The following SETDB2 variants were observed in gnomAD, a reference collection of about 807,000 sequenced individuals.
SETDB2 encodes the protein histone-lysine N-methyltransferase SETDB2.
SETDB2 carries 56 observed loss-of-function variants against 82.5 expected under a neutral mutation model. The observed-to-expected ratio is 0.68, with a 90% CI of 0.55 to 0.85. The LOEUF (loss-of-function observed/expected upper bound fraction) is 0.85. SETDB2 is among the 40% of genes least tolerant of loss of function. SETDB2 has a pLI of 0.00. For synonymous variants in SETDB2, 272 were observed against 284.9 expected (o/e 0.95, Z 0.46); for missense variants, 677 against 816.4 (o/e 0.83, Z 2.08).
At chr13:49,467,441 A>G (rs1165330937) in intron 4 of SETDB2, among the ~76,000 whole-genome samples, 2 of 152,150 alleles carry the variant, frequency 1.3e-5, no homozygotes, top group African/African-American at 4.8e-5. Context: ...AGAGATACCC[A>G]GATACTTCAT....
rs951893482 is a variant in SETDB2 at position 49,493,066 on chromosome 13, GAA to G, written c.*1222_*1223del. On this transcript the variant is annotated 3_prime_UTR_variant, in exon 14 of 14. Transcript: ENST00000611815. ...GATTTGCAAATCTTTTTTTTTTACAGAAAAAAGGCAAAGAGTAAGCACTTTGC... is the reference window on the plus strand; with the variant it reads ...GATTTGCAAATCTTTTTTTTTTACAGAAAAGGCAAAGAGTAAGCACTTTGC... The G allele has an allele frequency of 6.6e-6, 1 of 150,962 alleles. No homozygotes were observed. The highest frequency in any genetic ancestry group is 2.4e-5 in the African/African-American group (1 of 41,030). 9.4% of individuals were successfully genotyped at this position (150,962 alleles called of 1,614,324 possible).
chr13:49,483,946 A>G (rs1307913097), intron 10 of SETDB2, among the ~76,000 whole-genome samples: 2 of 152,060 alleles, frequency 1.3e-5, no homozygotes, highest in African/African-American at 4.8e-5. Context: ...GATGTAAACT[A>G]TTGCCTTCCT....
chr13:49,474,410 A>G (rs963483909), intron 5 of SETDB2, among the ~76,000 whole-genome samples: 6 of 152,230 alleles, frequency 3.9e-5, no homozygotes, highest in Non-Finnish European at 8.8e-5. Flanking sequence ...GACACTATGG[A>G]GAACAATTTG....
rs10162052 is a variant in SETDB2, at chr13:49,485,788, C to G, written c.1576+65C>G. On this transcript the variant is annotated intron_variant, in intron 11 of 13. Coordinates refer to ENST00000611815, the MANE Select transcript of SETDB2 (RefSeq NM_001160308.3). ...CTGTTTCTCTGTCTCTTGCTCAATA[C>G]CTGTAGCTCATTTTCTTAGATTCCA... The G allele has an allele frequency of 3.4e-4, 419 of 1,230,564 alleles. 2 individuals are homozygous for G. In the African/African-American group the frequency reaches 5.6e-3, roughly 16 times the overall value. 76.2% of individuals were successfully genotyped at this position (1,230,564 alleles called of 1,614,324 possible). A position where few individuals can be genotyped will look rare whatever the true frequency, so the allele number is the denominator to read the frequency against.
At chr13:49,454,136 C>T (rs1957833849) in intron 2 of SETDB2, among the ~76,000 whole-genome samples, 1 of 152,022 alleles carries the variant, frequency 6.6e-6, no homozygotes, top group South Asian at 2.1e-4. Flanking sequence ...GAATTGTTAA[C>T]CCTTGACTGG....
intron 11 of SETDB2, among the ~76,000 whole-genome samples, chr13:49,487,229 A>G (rs1958614601): frequency 6.6e-6 from 1 of 152,212 alleles, no homozygotes; most frequent in Admixed American, 6.5e-5. Flanking sequence ...TCAATTTTAG[A>G]CAAGTATAAT....
chr13:49,490,973 C>G, intron 13 of SETDB2, 63 bp downstream of exon 13: 1 of 1,346,834 alleles, frequency 7.4e-7, no homozygotes, highest in Non-Finnish European at 1.1e-6. Flanking sequence ...CAATAGAGGG[C>G]TGAGTGCTGT....
chr13:49,455,783 AAC>A, intron 2 of SETDB2, among the ~76,000 whole-genome samples: 1 of 150,312 alleles, frequency 6.7e-6, no homozygotes, highest in East Asian at 1.9e-4. Context: ...TTTAAAAAAA[AAC>A]AAAAAAAAAC....
intron 1 of SETDB2, among the ~76,000 whole-genome samples, chr13:49,447,790 C>G (rs1364208965): frequency 2.0e-5 from 3 of 151,846 alleles, no homozygotes; most frequent in Non-Finnish European, 2.9e-5. Flanking sequence ...TGTCTAAGAC[C>G]CAGTAGTGAT....
chr13:49,491,416 C>CAT (rs1240810939), intron 13 of SETDB2, among the ~76,000 whole-genome samples: 2 of 152,224 alleles, frequency 1.3e-5, no homozygotes, highest in Non-Finnish European at 2.9e-5. Flanking sequence ...CAGAGTGCTA[C>CAT]ATAATCTTTA....
At chr13:49,480,800 T>A in intron 7 of SETDB2, 147 bp from the exon 8 acceptor site, 1 of 670,572 alleles carries the variant, frequency 1.5e-6, no homozygotes. Flanking sequence ...CTAGTAAATG[T>A]GGAAGCTGTG....
intron 5 of SETDB2, among the ~76,000 whole-genome samples, chr13:49,470,924 T>A (rs559433129): frequency 6.6e-6 from 1 of 151,938 alleles, no homozygotes; most frequent in African/African-American, 2.4e-5. Context: ...TTCAGGCTTT[T>A]GGTGTTTTTT....
chr13:49,490,334 C>G (rs890672012), intron 12 of SETDB2, among the ~76,000 whole-genome samples: 1 of 149,192 alleles, frequency 6.7e-6, no homozygotes, highest in Non-Finnish European at 1.5e-5. Context: ...ATACCCAGAG[C>G]TTCTCAAATT....
In SETDB2 at chr13:49,481,239, A is replaced by G; in HGVS notation, c.1156+123A>G. 6 of 807,000 alleles carry G rather than the reference A, an allele frequency of 7.4e-6. No individual in the cohort carries two copies. In the South Asian group the frequency reaches 1.3e-4, roughly 18 times the overall value. The allele number at this position is 807,000 out of a possible 1,614,324, so 50.0% of individuals were successfully genotyped here. A position where few individuals can be genotyped will look rare whatever the true frequency, so the allele number is the denominator to read the frequency against. On this transcript the variant is annotated intron_variant, in intron 8 of 13. Coordinates refer to ENST00000611815, the MANE Select transcript of SETDB2 (RefSeq NM_001160308.3). ...TAAAGAGTAACAGTATCTAAGAGGAACATCAGAGAAAGGCAGGTAAACTGG... is the reference window on the plus strand; with the variant it reads ...TAAAGAGTAACAGTATCTAAGAGGAGCATCAGAGAAAGGCAGGTAAACTGG...
chr13:49,480,168 A>G, intron 6 of SETDB2, 51 bp from the exon 7 acceptor site: 1 of 1,187,232 alleles, frequency 8.4e-7, no homozygotes, highest in Non-Finnish European at 1.2e-6. Flanking sequence ...CAGTCTCTTG[A>G]CTTGACTTGC....
intron 2 of SETDB2, among the ~76,000 whole-genome samples, chr13:49,457,438 T>TC (rs1483595029): frequency 1.4e-5 from 2 of 146,802 alleles, no homozygotes; most frequent in Non-Finnish European, 3.0e-5. Context: ...TCTAAGACTT[T>TC]TTTTTTTTTT....
At chr13:49,473,592 A>G (rs1445313789) in intron 5 of SETDB2, among the ~76,000 whole-genome samples, 1 of 151,974 alleles carries the variant, frequency 6.6e-6, no homozygotes, top group African/African-American at 2.4e-5. Flanking sequence ...CAAAATGTCA[A>G]ATGACATTTA....
chr13:49,449,736 A>G (rs1397834243), intron 1 of SETDB2, among the ~76,000 whole-genome samples: 1 of 152,282 alleles, frequency 6.6e-6, no homozygotes, highest in South Asian at 2.1e-4. Flanking sequence ...TCTCCTCCAG[A>G]AAAGAACATA....
At chr13:49,467,751 A>G (rs1201833918) in intron 4 of SETDB2, 113 bp from the exon 5 acceptor site, 2 of 608,326 alleles carry the variant, frequency 3.3e-6, no homozygotes, top group Non-Finnish European at 5.1e-6. Context: ...TATGTTTGCA[A>G]ATTTTAGGGA....
Sources: gnomAD v4.1 joint callset for allele counts (sites outside exome capture counted in the v4.1 genomes callset) on GRCh38, gnomAD v4.1.1 for gene constraint, MANE v1.5 for transcripts, NCBI Gene and HGNC (gene_info 2026-07-23, HGNC 2026-07-21) for gene names.